NRXN1: variants seen among roughly 807,000 people sequenced by gnomAD.
NRXN1 encodes the protein neurexin-1.
In NRXN1, 39 loss-of-function variants were observed where a neutral mutation model predicts 150.9. The observed-to-expected ratio is 0.26, with a 90% CI of 0.20 to 0.34. The LOEUF is 0.34. Ranked by LOEUF, NRXN1 falls within the 10% of genes least tolerant of loss-of-function variation. The pLI is 1.00. For synonymous variants in NRXN1, 924 were observed against 757.0 expected (o/e 1.22, Z -3.62); for missense variants, 1,815 against 1,949.9 (o/e 0.93, Z 1.30).
At chr2:50,816,399 T>C (rs923004955) in intron 5 of NRXN1, among the ~76,000 whole-genome samples, 1 of 152,072 alleles carries the variant, frequency 6.6e-6, no homozygotes, top group Non-Finnish European at 1.5e-5. Context: ...CAATGGGTTC[T>C]TCCTTCATCA....
At chr2:49,974,262 G>A (rs1369467990) in intron 21 of NRXN1, 3 of 621,238 alleles carry the variant, frequency 4.8e-6, no homozygotes, top group African/African-American at 1.8e-5. Flanking sequence ...GGCAGGAAGG[G>A]ATGCTGCAGT....
rs551453718 is a variant in NRXN1, at chr2:50,431,502, G to A, written c.3364+33940C>T. ...TACAGGTTAAGCCTGCTGAATTTTT[G>A]TATGGCACAAAGGCTAAGAACAGAT... On this transcript the variant is annotated intron_variant, in intron 17 of 22. Coordinates refer to ENST00000401669, the MANE Select transcript of NRXN1 (RefSeq NM_001330078.2). Among the ~76,000 whole-genome samples, 99 of 152,228 alleles carry A rather than the reference G, an allele frequency of 6.5e-4. 1 individual carries two copies. The highest frequency in any genetic ancestry group is 2.3e-3 in the African/African-American group (95 of 41,552).
At chr2:50,655,189 G>GAA (rs570502365) in intron 5 of NRXN1, among the ~76,000 whole-genome samples, 1 of 145,788 alleles carries the variant, frequency 6.9e-6, no homozygotes, top group Non-Finnish European at 1.5e-5. Context: ...AGCAAGCATG[G>GAA]AAAAAAAAAA....
chr2:50,620,275 TTTTTGTTTTG>T, intron 7 of NRXN1, 92 bp from the exon 8 acceptor site: 1 of 1,409,692 alleles, frequency 7.1e-7, no homozygotes, highest in South Asian at 1.4e-5. Context: ...TGCTTTTGTT[TTTTTGTTTTG>T]TTTTGTTTTG....
intron 17 of NRXN1, among the ~76,000 whole-genome samples, chr2:50,373,853 GATT>G (rs2080288441): frequency 6.6e-6 from 1 of 151,958 alleles, no homozygotes; most frequent in Admixed American, 6.6e-5. Context: ...AGTTATTTGT[GATT>G]ATTATTTGCT....
chr2:50,203,350 TG>T (rs1188696258), intron 18 of NRXN1, among the ~76,000 whole-genome samples: 2 of 152,198 alleles, frequency 1.3e-5, no homozygotes, highest in African/African-American at 4.8e-5. Flanking sequence ...CTCTACAGTT[TG>T]TGACATGGGT....
At chr2:50,876,863 A>C (rs1027261634) in intron 5 of NRXN1, among the ~76,000 whole-genome samples, 1 of 151,846 alleles carries the variant, frequency 6.6e-6, no homozygotes, top group Admixed American at 6.6e-5. Flanking sequence ...CTTAGGGGGT[A>C]CATATGGGAG....
chr2:50,730,110 G>T (rs1394727562), intron 5 of NRXN1, among the ~76,000 whole-genome samples: 1 of 152,106 alleles, frequency 6.6e-6, no homozygotes, highest in South Asian at 2.1e-4. Flanking sequence ...AGTATCTAAA[G>T]GATGACATTG....
chr2:50,344,372 T>A (rs370018518), intron 17 of NRXN1, among the ~76,000 whole-genome samples: 5 of 152,124 alleles, frequency 3.3e-5, no homozygotes, highest in African/African-American at 1.2e-4. Flanking sequence ...GACATGTAAG[T>A]TTGCGCCTCT....
chr2:50,491,289 T>C (rs537224611), intron 15 of NRXN1, among the ~76,000 whole-genome samples: 3 of 152,204 alleles, frequency 2.0e-5, no homozygotes, highest in African/African-American at 2.4e-5. Flanking sequence ...ATATTCAGGA[T>C]TGGAGAGGGC....
chr2:50,697,196 G>C (rs1057512744), intron 5 of NRXN1, among the ~76,000 whole-genome samples: 1 of 152,158 alleles, frequency 6.6e-6, no homozygotes, highest in Admixed American at 6.5e-5. Context: ...GTAATTCTGA[G>C]TGTTATATTT....
rs1290481078 is a variant in NRXN1 at position 50,231,084 on chromosome 2, C to G, written c.3546+5705G>C. Among the ~76,000 whole-genome samples, 5 of 151,958 alleles carry G rather than the reference C, an allele frequency of 3.3e-5. No homozygotes were observed. In the East Asian group the frequency reaches 7.7e-4, roughly 24 times the overall value. On this transcript the variant is annotated intron_variant, in intron 18 of 22. Coordinates refer to ENST00000401669, the MANE Select transcript of NRXN1 (RefSeq NM_001330078.2). ...AAATAAATAAATGAATGTAAAAGAA[C>G]TAGGAAAGCAAAACCAAGCAATATA...
chr2:50,425,854 T>C (rs2104314117), intron 17 of NRXN1, among the ~76,000 whole-genome samples: 1 of 152,256 alleles, frequency 6.6e-6, no homozygotes, highest in Non-Finnish European at 1.5e-5. Context: ...AGAAGCTTCA[T>C]TCTTTCCTAC....
At chr2:50,815,167 T>C (rs1668751997) in intron 5 of NRXN1, among the ~76,000 whole-genome samples, 1 of 152,168 alleles carries the variant, frequency 6.6e-6, no homozygotes, top group African/African-American at 2.4e-5. Context: ...TGAGTAATTA[T>C]GTTCCTTCTC....
chr2:50,257,161 T>C (rs2067782123), intron 17 of NRXN1, among the ~76,000 whole-genome samples: 1 of 152,078 alleles, frequency 6.6e-6, no homozygotes, highest in Admixed American at 6.6e-5. Flanking sequence ...CTAAAATTAT[T>C]TGTCCATGGT....
intron 5 of NRXN1, among the ~76,000 whole-genome samples, chr2:50,629,996 A>G (rs1292382969): frequency 6.6e-6 from 1 of 151,664 alleles, no homozygotes; most frequent in East Asian, 1.9e-4. Context: ...GGAAAAAGTA[A>G]TATTTAAAAA....
At chr2:50,344,625 A>C (rs998422837) in intron 17 of NRXN1, among the ~76,000 whole-genome samples, 1 of 152,194 alleles carries the variant, frequency 6.6e-6, no homozygotes, top group South Asian at 2.1e-4. Context: ...TCACATGCAG[A>C]GACAATCACT....
rs759401149 is a variant in NRXN1 at position 50,497,628 on chromosome 2, G to A, written c.2584C>T (p.Pro862Ser). 1.9e-6 allele frequency: 3 copies of A among 1,613,692 alleles called. No individual in the cohort carries two copies. The highest frequency in any genetic ancestry group is 1.7e-6 in the Non-Finnish European group (2 of 1,179,836). Residue 862 changes from proline to serine, a missense_variant, in exon 14 of 23, where the codon CCC (proline) becomes TCC (serine). By Grantham distance (74) the Pro-to-Ser change is moderately conservative. Transcript: ENST00000401669. ...ITERRYLSSV[P>S]SNFIGHLQSL... is the part of the protein sequence containing the mutation. ...TGCAGGTGTCCAATGAAGTTGGAGG[G>A]GACAGAAGAAAGATACCGTCGTTCT...
chr2:50,674,605 T>C (rs1331044896), intron 5 of NRXN1, among the ~76,000 whole-genome samples: 2 of 151,960 alleles, frequency 1.3e-5, no homozygotes, highest in East Asian at 3.9e-4. Flanking sequence ...AAAACAGTAG[T>C]AGTGACATAG....
Sources: allele counts gnomAD v4.1 joint callset (sites outside exome capture counted in the v4.1 genomes callset), GRCh38; gene constraint gnomAD v4.1.1; transcripts MANE v1.5; gene names NCBI Gene and HGNC (gene_info 2026-07-23, HGNC 2026-07-21).